HES7: variants seen among roughly 807,000 people sequenced by gnomAD.
HES7 encodes the protein hes family bHLH transcription factor 7.
In HES7, 8 loss-of-function variants were observed where a neutral mutation model predicts 18.0. The observed-to-expected ratio is 0.45, with a 90% CI of 0.26 to 0.80. The LOEUF (loss-of-function observed/expected upper bound fraction) is 0.80, where lower values mean the gene tolerates loss of function less well. Ranked by LOEUF, HES7 falls within the 30% of genes least tolerant of loss-of-function variation. HES7 has a pLI of 0.18. For missense variants in HES7, 356 were observed against 340.9 expected (o/e 1.04, Z -0.35); for synonymous variants, 170 against 158.6 (o/e 1.07, Z -0.54).
In HES7 at chr17:8,121,377, A is replaced by C; in HGVS notation, c.*194T>G. Reference sequence around the variant, plus strand: ...CGCAAGGGAGAAGTTGGGGCAGGGAAAAGGGACAGGAACCAGGGAAATATA... The same window carrying C: ...CGCAAGGGAGAAGTTGGGGCAGGGACAAGGGACAGGAACCAGGGAAATATA... On this transcript the variant is annotated 3_prime_UTR_variant, in exon 4 of 4. Coordinates refer to ENST00000541682, the MANE Select transcript of HES7 (RefSeq NM_001165967.2). The C allele has an allele frequency of 7.4e-6, 3 of 407,908 alleles. No individual in the cohort carries two copies. Among genetic ancestry groups the C allele is most frequent in the Non-Finnish European group, 1.3e-5 (3 of 237,556 alleles). The allele number at this position is 407,908 out of a possible 1,614,324, so 25.3% of individuals were successfully genotyped here. A position where few individuals can be genotyped will look rare whatever the true frequency, so the allele number is the denominator to read the frequency against.
At position 8,122,005 on chromosome 17, in the gene HES7, C is replaced by T; in HGVS notation, c.259G>A (p.Val87Ile). ...AAAPGVPRSPVQDAEALASCY... is the reference protein window; with the variant it reads ...AAAPGVPRSPIQDAEALASCY... ...CTGGCGAGCGCCTCGGCGTCCTGGA[C>T]TGGGGACCGGGGAACCCCTGGAGCC... The change falls in exon 4 of 4, where the codon GTC becomes ATC. Residue 87 changes from valine (V) to isoleucine (I), a missense_variant. Physicochemically the swap from Val to Ile is conservative, Grantham distance 29 (BLOSUM62 3). Transcript: ENST00000541682. This position sits in a 1 kb window ranked among gnomAD's most constrained non-coding sequence, Gnocchi z 6.9. The T allele has an allele frequency of 1.3e-6, 2 of 1,527,112 alleles. No homozygotes were observed. Among genetic ancestry groups the T allele is most frequent in the Non-Finnish European group, 1.7e-6 (2 of 1,145,376 alleles). 94.6% of individuals were successfully genotyped at this position (1,527,112 alleles called of 1,614,324 possible).
At position 8,122,020 on chromosome 17, in the gene HES7, C is replaced by T; in HGVS notation, c.244G>A (p.Val82Ile). 6.6e-7 allele frequency: 1 copy of T among 1,514,748 alleles called. No homozygotes were observed. Among genetic ancestry groups the T allele is most frequent in the Non-Finnish European group, 8.8e-7 (1 of 1,139,800 alleles). The allele number at this position is 1,514,748 out of a possible 1,614,324, so 93.8% of individuals were successfully genotyped here. ...VEPPAAAAPGVPRSPVQDAEA... is the reference protein window; with the variant it reads ...VEPPAAAAPGIPRSPVQDAEA... ...GCGTCCTGGACTGGGGACCGGGGAA[C>T]CCCTGGAGCCGCGGCGGCTGGTGCG... Residue 82 changes from valine (V) to isoleucine (I), a missense_variant, in exon 4 of 4, where the codon GTT becomes ATT. Transcript: ENST00000541682. This position sits in a 1 kb window ranked among gnomAD's most constrained non-coding sequence, Gnocchi z 6.9.
rs1184569978 is a variant in HES7 at position 8,121,890 on chromosome 17, G to A, written c.374C>T (p.Ser125Phe). The change falls in exon 4 of 4, where the codon TCC (serine) becomes TTC (phenylalanine). Residue 125 changes from serine to phenylalanine, a missense_variant. By Grantham distance (155) the Ser-to-Phe change is radical. Coordinates refer to ENST00000541682, the MANE Select transcript of HES7 (RefSeq NM_001165967.2). ...GGGGCGCAGATAGCCGTGCAGCGCG[G>A]AGAAGAGCTGGGCGCGGGCGGCCGG... ...ASPAARAQLF[S>F]ALHGYLRPKP... The A allele has an allele frequency of 6.4e-7, 1 of 1,571,628 alleles. No homozygotes were observed. The highest frequency in any genetic ancestry group is 8.6e-7 in the Non-Finnish European group (1 of 1,169,158).
At chr17:8,125,748 A>G (rs996836635), upstream of HES7, among the ~76,000 whole-genome samples, 10 of 152,304 alleles carry the variant, frequency 6.6e-5, no homozygotes, top group South Asian at 2.1e-4. Flanking sequence ...TAAGCCGCGC[A>G]TTGGTGGTTC....
chr17:8,122,537 G>T lies in HES7; in HGVS notation c.139-107C>A, dbSNP rs1981412980. On this transcript the variant is annotated intron_variant, in intron 2 of 3. Transcript: ENST00000541682. The surrounding 1 kb of genome is among the most constrained non-coding windows in gnomAD (Gnocchi z 6.9). Reference sequence around the variant, plus strand: ...GGATGCGGGAGCTGGTGGTGCCCCCGATCGCATTTGCGCACTGCCCACAGA... The same window carrying T: ...GGATGCGGGAGCTGGTGGTGCCCCCTATCGCATTTGCGCACTGCCCACAGA... 1.2e-6 allele frequency: 1 copy of T among 800,290 alleles called. No individual in the cohort carries two copies. Among genetic ancestry groups the T allele is most frequent in the Non-Finnish European group, 2.1e-6 (1 of 476,302 alleles). The allele number at this position is 800,290 out of a possible 1,614,324, so 49.6% of individuals were successfully genotyped here. A position where few individuals can be genotyped will look rare whatever the true frequency, so the allele number is the denominator to read the frequency against.
chr17:8,125,408 C>G (rs1981555186), upstream of HES7, among the ~76,000 whole-genome samples: 1 of 152,232 alleles, frequency 6.6e-6, no homozygotes, highest in Non-Finnish European at 1.5e-5. Flanking sequence ...CCAGCACATC[C>G]CACCTCTCCG....
At position 8,122,572 on chromosome 17, in the gene HES7, C is replaced by G; in HGVS notation, c.139-142G>C. 1.5e-6 allele frequency: 1 copy of G among 673,622 alleles called. No homozygotes were observed. The highest frequency in any genetic ancestry group is 2.7e-6 in the Non-Finnish European group (1 of 371,544). The allele number at this position is 673,622 out of a possible 1,614,324, so 41.7% of individuals were successfully genotyped here. ...GCGCACTGCCCACAGAACGCGCGAC[C>G]AAATGCGGAGTGGAGATGACCAAGG... On this transcript the variant is annotated intron_variant, in intron 2 of 3. Coordinates refer to ENST00000541682, the MANE Select transcript of HES7 (RefSeq NM_001165967.2). This position sits in a 1 kb window ranked among gnomAD's most constrained non-coding sequence, Gnocchi z 6.9.
rs781262011 is a variant in HES7 at position 8,122,379 on chromosome 17, C to A, written c.190G>T (p.Gly64Cys). ...ACCCGGCTTCGCTCCCTCAAGTAGC[C>A]CACGGCGAACTCCAATATCTCCGCT... is the stretch of plus-strand genomic sequence containing the variant. ...EKAEILEFAV[G>C]YLRERSRVEP... The change falls in exon 3 of 4, where the codon GGC becomes TGC. Residue 64 changes from glycine to cysteine, a missense_variant. Coordinates refer to ENST00000541682, the MANE Select transcript of HES7 (RefSeq NM_001165967.2). The surrounding 1 kb of genome is among the most constrained non-coding windows in gnomAD (Gnocchi z 6.9). 24 of 1,599,278 alleles carry A rather than the reference C, an allele frequency of 1.5e-5. No homozygotes were observed. The highest frequency in any genetic ancestry group is 2.7e-5 in the African/African-American group (2 of 74,548).
chr17:8,125,477 C>T (rs969215915), upstream of HES7, among the ~76,000 whole-genome samples: 1 of 152,232 alleles, frequency 6.6e-6, no homozygotes, highest in African/African-American at 2.4e-5. Flanking sequence ...CGCCCCCCTC[C>T]TTGGGAACCT....
At position 8,122,175 on chromosome 17, in the gene HES7, G is replaced by C; in HGVS notation, c.227-138C>G. 3 of 963,744 alleles carry C rather than the reference G, an allele frequency of 3.1e-6. No individual in the cohort carries two copies. Among genetic ancestry groups the C allele is most frequent in the Non-Finnish European group, 4.6e-6 (3 of 657,882 alleles). 59.7% of individuals were successfully genotyped at this position (963,744 alleles called of 1,614,324 possible). A position where few individuals can be genotyped will look rare whatever the true frequency, so the allele number is the denominator to read the frequency against. On this transcript the variant is annotated intron_variant, in intron 3 of 3. Coordinates refer to ENST00000541682, the MANE Select transcript of HES7 (RefSeq NM_001165967.2). The surrounding 1 kb of genome is among the most constrained non-coding windows in gnomAD (Gnocchi z 6.9). The stretch of plus-strand genomic sequence containing the variant: ...AGATGGACGGAAAGAGGGAGAAAAT[G>C]AGGGAGACACAGAGACAGACACGCG...
chr17:8,121,473 C>T lies in HES7; in HGVS notation c.*98G>A, dbSNP rs1194480887. 3.6e-6 allele frequency: 4 copies of T among 1,124,132 alleles called. No homozygotes were observed. The highest frequency in any genetic ancestry group is 4.5e-6 in the Non-Finnish European group (4 of 880,922). The allele number at this position is 1,124,132 out of a possible 1,614,324, so 69.6% of individuals were successfully genotyped here. A position where few individuals can be genotyped will look rare whatever the true frequency, so the allele number is the denominator to read the frequency against. ...TGAGCCCGCGCGCCCCACTGCCCTC[C>T]CCAACACCTGCTCGCCCGGACGCCC... On this transcript the variant is annotated 3_prime_UTR_variant, in exon 4 of 4. Transcript: ENST00000541682.
At chr17:8,124,704 G>A (rs1981529995), upstream of HES7, among the ~76,000 whole-genome samples, 2 of 152,302 alleles carry the variant, frequency 1.3e-5, no homozygotes, top group Admixed American at 6.5e-5. Flanking sequence ...GAGTCATAGT[G>A]AGATACGCAG....
At chr17:8,125,285 T>A (rs1271444090), upstream of HES7, among the ~76,000 whole-genome samples, 1 of 152,040 alleles carries the variant, frequency 6.6e-6, no homozygotes, top group Non-Finnish European at 1.5e-5. Context: ...CTTCAAGCCC[T>A]CCCAACGGCC....
At chr17:8,124,986 G>C (rs74796510), upstream of HES7, among the ~76,000 whole-genome samples, 485 of 152,228 alleles carry the variant, frequency 3.2e-3, 3 homozygotes, top group African/African-American at 0.011. Context: ...AAGTGTGCCC[G>C]CATTGCTTGC....
chr17:8,124,578 C>T (rs891526301), upstream of HES7, among the ~76,000 whole-genome samples: 10 of 152,286 alleles, frequency 6.6e-5, no homozygotes, highest in African/African-American at 1.9e-4. Flanking sequence ...TCCGACTCAA[C>T]CGAAGCTCTG....
At chr17:8,124,538 G>A (rs1281943101), upstream of HES7, among the ~76,000 whole-genome samples, 2 of 152,194 alleles carry the variant, frequency 1.3e-5, no homozygotes, top group African/African-American at 4.8e-5. Context: ...GTCGAGACAG[G>A]GAGCAACCCG....
At chr17:8,124,206 T>C, upstream of HES7, 1 of 1,185,164 alleles carries the variant, frequency 8.4e-7, no homozygotes, top group Non-Finnish European at 1.2e-6. Context: ...TCTGCCCCTC[T>C]AGGACCCGGC....
Position 8,122,312 on chromosome 17 carries a change from C to G in HES7, c.226+31G>C. The G allele has an allele frequency of 6.8e-7, 1 of 1,479,232 alleles. No homozygotes were observed. The highest frequency in any genetic ancestry group is 1.4e-5 in the African/African-American group (1 of 71,406). The allele number at this position is 1,479,232 out of a possible 1,614,324, so 91.6% of individuals were successfully genotyped here. A position where few individuals can be genotyped will look rare whatever the true frequency, so the allele number is the denominator to read the frequency against. On this transcript the variant is annotated intron_variant, in intron 3 of 3. Coordinates refer to ENST00000541682, the MANE Select transcript of HES7 (RefSeq NM_001165967.2). This position sits in a 1 kb window ranked among gnomAD's most constrained non-coding sequence, Gnocchi z 6.9. ...CGGAGCCTCCTGGCGTCCCCCCTCCCTCCCTCCGCTGCCCCACCCCCGCGC... is the reference window on the plus strand; with the variant it reads ...CGGAGCCTCCTGGCGTCCCCCCTCCGTCCCTCCGCTGCCCCACCCCCGCGC...
In HES7 at chr17:8,122,117, C is replaced by CA; in HGVS notation, c.227-81dup. 3 of 1,262,518 alleles carry CA rather than the reference C, an allele frequency of 2.4e-6. No homozygotes were observed. The South Asian group carries it at 4.5e-5, about 19-fold the overall frequency. 78.2% of individuals were successfully genotyped at this position (1,262,518 alleles called of 1,614,324 possible). On this transcript the variant is annotated intron_variant, in intron 3 of 3. Transcript: ENST00000541682. This position sits in a 1 kb window ranked among gnomAD's most constrained non-coding sequence, Gnocchi z 6.9. ...GGGAAGGGGCGGGGCGCAGAGATAC[C>CA]AAGGCCGGACAGGCGCACAGAGACA... is the stretch of plus-strand genomic sequence containing the variant.
Sources: allele counts gnomAD v4.1 joint callset (sites outside exome capture counted in the v4.1 genomes callset), GRCh38; gene constraint gnomAD v4.1.1; non-coding constraint Gnocchi (gnomAD v3.1); transcripts MANE v1.5; gene names NCBI Gene and HGNC (gene_info 2026-07-23, HGNC 2026-07-21).